The following BACH2 variants were observed in gnomAD, a reference collection of about 807,000 sequenced individuals.
The protein encoded by BACH2 is BACH transcriptional regulator 2, also known as transcription regulator protein BACH2.
In BACH2, 5 loss-of-function variants were observed where a neutral mutation model predicts 61.8. The observed-to-expected ratio is 0.08, with a 90% CI of 0.04 to 0.17. The LOEUF is 0.17. BACH2 is among the 10% of genes least tolerant of loss of function. BACH2 has a pLI of 1.00. For synonymous variants in BACH2, 446 were observed against 440.1 expected (o/e 1.01, Z -0.17); for missense variants, 824 against 1,091.1 (o/e 0.76, Z 3.45).
intron 5 of BACH2, among the ~76,000 whole-genome samples, chr6:90,034,518 A>G (rs1779169221): frequency 6.6e-6 from 1 of 152,038 alleles, no homozygotes; most frequent in Non-Finnish European, 1.5e-5. Flanking sequence ...TTAGCACAAA[A>G]ATAGGAATAA....
chr6:90,260,622 C>T (rs1258617196), intron 2 of BACH2, among the ~76,000 whole-genome samples: 4 of 152,196 alleles, frequency 2.6e-5, no homozygotes, highest in Non-Finnish European at 5.9e-5. Context: ...GAATGATGTA[C>T]ATGTTGTTGA....
intron 5 of BACH2, among the ~76,000 whole-genome samples, chr6:90,042,339 C>T (rs1042576512): frequency 6.6e-6 from 1 of 151,332 alleles, no homozygotes; most frequent in Non-Finnish European, 1.5e-5. Context: ...ACTATGGGTA[C>T]GGGACACTGC....
intron 4 of BACH2, among the ~76,000 whole-genome samples, chr6:90,115,293 A>C (rs1783349810): frequency 6.6e-6 from 1 of 152,232 alleles, no homozygotes; most frequent in Non-Finnish European, 1.5e-5. Context: ...TATAGTGACC[A>C]AAACAGCATG....
chr6:90,191,450 C>G (rs1387147210), intron 4 of BACH2, among the ~76,000 whole-genome samples: 1 of 152,196 alleles, frequency 6.6e-6, no homozygotes, highest in Non-Finnish European at 1.5e-5. Flanking sequence ...AGAACTAAAA[C>G]ATTCATTCTG....
intron 6 of BACH2, among the ~76,000 whole-genome samples, chr6:89,997,449 TA>T (rs1400388586): frequency 6.6e-6 from 1 of 152,234 alleles, no homozygotes; most frequent in Non-Finnish European, 1.5e-5. Context: ...TTCCTATTTG[TA>T]GGGTACAATT....
intron 8 of BACH2, among the ~76,000 whole-genome samples, chr6:89,934,730 T>C (rs1772904339): frequency 6.6e-6 from 1 of 151,672 alleles, no homozygotes; most frequent in Non-Finnish European, 1.5e-5. Context: ...CACAATGAAG[T>C]GGATGAAGAA....
intron 5 of BACH2, among the ~76,000 whole-genome samples, chr6:90,047,191 G>C (rs944494693): frequency 2.6e-5 from 4 of 152,196 alleles, no homozygotes; most frequent in African/African-American, 9.7e-5. Flanking sequence ...CAAAGTGCTG[G>C]GATTACAGGC....
At chr6:90,025,995 A>G (rs1778616140) in intron 5 of BACH2, among the ~76,000 whole-genome samples, 1 of 152,204 alleles carries the variant, frequency 6.6e-6, no homozygotes, top group Non-Finnish European at 1.5e-5. Context: ...CACAGGGCTC[A>G]TAACTCCTCC....
intron 5 of BACH2, among the ~76,000 whole-genome samples, chr6:90,040,761 T>C (rs1582249693): frequency 1.3e-5 from 2 of 152,124 alleles, no homozygotes; most frequent in East Asian, 3.9e-4. Flanking sequence ...GTTCAATTCC[T>C]ATATTTATAC....
intron 4 of BACH2, among the ~76,000 whole-genome samples, chr6:90,116,410 C>T (rs903514298): frequency 3.9e-5 from 6 of 152,154 alleles, no homozygotes; most frequent in Admixed American, 2.6e-4. Flanking sequence ...CCAAATATGG[C>T]ATGTTCTCAC....
intron 3 of BACH2, among the ~76,000 whole-genome samples, chr6:90,216,386 C>T (rs1219740312): frequency 6.6e-6 from 1 of 152,158 alleles, no homozygotes; most frequent in East Asian, 1.9e-4. Context: ...ATACAGGCAG[C>T]GAGCCTGGGG....
At chr6:90,108,123 C>T (rs1783006740) in intron 4 of BACH2, among the ~76,000 whole-genome samples, 1 of 152,210 alleles carries the variant, frequency 6.6e-6, no homozygotes, top group Non-Finnish European at 1.5e-5. Context: ...ATACAAGTCC[C>T]AGTCTCATAA....
chr6:90,296,248 C>CAA, intron 1 of BACH2, among the ~76,000 whole-genome samples: 1 of 152,064 alleles, frequency 6.6e-6, no homozygotes, highest in East Asian at 1.9e-4. Flanking sequence ...GGAGAGCACA[C>CAA]ATTCGGCGCG....
chr6:90,282,616 C>T (rs911104348), intron 1 of BACH2, among the ~76,000 whole-genome samples: 1 of 152,024 alleles, frequency 6.6e-6, no homozygotes, highest in African/African-American at 2.4e-5. Context: ...AACGAACATA[C>T]ACGTGTATGT....
chr6:90,171,784 A>G (rs1767824311), intron 4 of BACH2, among the ~76,000 whole-genome samples: 1 of 152,230 alleles, frequency 6.6e-6, no homozygotes, highest in African/African-American at 2.4e-5. Flanking sequence ...AAAAGTAAAC[A>G]GGATCTTAAA....
At chr6:89,958,129 T>C (rs529986041) in intron 6 of BACH2, among the ~76,000 whole-genome samples, 4 of 152,310 alleles carry the variant, frequency 2.6e-5, no homozygotes, top group South Asian at 4.1e-4. Context: ...CAGTCACTTA[T>C]AATTTTTTTG....
intron 4 of BACH2, among the ~76,000 whole-genome samples, chr6:90,121,441 C>T (rs207276): frequency 0.53 from 81,200 of 151,936 alleles, 22,348 homozygotes; most frequent in African/African-American, 0.63. Context: ...CTTTTCTTAA[C>T]GGTTATTATT....
At chr6:90,228,315 C>T (rs1163211893) in intron 3 of BACH2, among the ~76,000 whole-genome samples, 1 of 152,200 alleles carries the variant, frequency 6.6e-6, no homozygotes, top group Non-Finnish European at 1.5e-5. Flanking sequence ...CAGCTGCTGT[C>T]TCCCAATAGT....
intron 4 of BACH2, among the ~76,000 whole-genome samples, chr6:90,147,165 A>G (rs377422220): frequency 6.6e-6 from 1 of 152,376 alleles, no homozygotes; most frequent in Non-Finnish European, 1.5e-5. Context: ...AAGGGGCAGT[A>G]ATAAAAATAA....
Sources: allele counts gnomAD v4.1 joint callset (sites outside exome capture counted in the v4.1 genomes callset), GRCh38; gene constraint gnomAD v4.1.1; transcripts MANE v1.5; gene names NCBI Gene and HGNC (gene_info 2026-07-23, HGNC 2026-07-21).